Variants in INTS6 observed in about 807,000 individuals in gnomAD.
INTS6 encodes the protein integrator complex subunit 6, also known as DEAD box protein.
A neutral mutation model predicts 104.9 loss-of-function variants in INTS6; 16 were observed. That is an observed-to-expected ratio of 0.15 (90% confidence interval 0.10 to 0.23). The LOEUF (loss-of-function observed/expected upper bound fraction) is 0.23, where lower values mean the gene tolerates loss of function less well. INTS6 is among the 10% of genes least tolerant of loss of function. The pLI is 1.00. For synonymous variants in INTS6, 324 were observed against 358.7 expected (o/e 0.90, Z 1.09); for missense variants, 584 against 1,062.8 (o/e 0.55, Z 6.26).
the INTS6 span, chr13:51,344,620 C>T: frequency 1.4e-6 from 1 of 697,726 alleles, no homozygotes; most frequent in South Asian, 1.8e-5. Context: ...TTAGGAGATC[C>T]TACCCTTGAA....
At chr13:51,352,941 T>C (rs1296728781), downstream of INTS6, among the ~76,000 whole-genome samples, 3 of 152,204 alleles carry the variant, frequency 2.0e-5, no homozygotes, top group African/African-American at 4.8e-5. Context: ...TTTGCATTCC[T>C]GGGATAAATC....
At chr13:51,336,219 G>A in the INTS6 span, among the ~76,000 whole-genome samples, 1 of 152,204 alleles carries the variant, frequency 6.6e-6, no homozygotes, top group African/African-American at 2.4e-5. Flanking sequence ...TGGATGCGGT[G>A]GCTCACGCTT....
intron 9 of INTS6, 149 bp from the exon 10 acceptor site, chr13:51,382,272 T>C: frequency 2.1e-6 from 1 of 471,382 alleles, no homozygotes; most frequent in Non-Finnish European, 3.8e-6. Flanking sequence ...AGATTTACGG[T>C]TTTGTCATTT....
At chr13:51,356,162 T>C (rs75027836) in intron 3 of INTS6, among the ~76,000 whole-genome samples, 2 of 152,136 alleles carry the variant, frequency 1.3e-5, no homozygotes, top group African/African-American at 2.4e-5. Flanking sequence ...TCTGTACTCA[T>C]TGCCTGAACA....
Position 51,431,108 on chromosome 13 carries a change from C to T in INTS6, c.340-725G>A, listed in dbSNP as rs537824820. On this transcript the variant is annotated intron_variant, in intron 3 of 17. Coordinates refer to ENST00000311234, the MANE Select transcript of INTS6 (RefSeq NM_012141.3). ...TCCATTCAAATCTCTGGCCAACCCA[C>T]TCTACTAGCACAACGATGAGTTCTA... Among the ~76,000 whole-genome samples, 5 of 152,262 alleles carry T rather than the reference C, an allele frequency of 3.3e-5. No homozygotes were observed. The East Asian group carries it at 9.6e-4, about 29-fold the overall frequency.
chr13:51,340,470 A>C, the INTS6 span, among the ~76,000 whole-genome samples: 1 of 152,134 alleles, frequency 6.6e-6, no homozygotes, highest in Non-Finnish European at 1.5e-5. Context: ...GTATTCTCAA[A>C]ATTTTATATA....
chr13:51,386,067 A>C (rs146668194), intron 7 of INTS6, among the ~76,000 whole-genome samples: 10 of 152,316 alleles, frequency 6.6e-5, no homozygotes, highest in Non-Finnish European at 1.3e-4. Flanking sequence ...ACATGTTATG[A>C]TCCACCCGTA....
downstream of INTS6, among the ~76,000 whole-genome samples, chr13:51,350,020 C>T (rs1319553089): frequency 1.3e-5 from 2 of 152,136 alleles, no homozygotes; most frequent in African/African-American, 2.4e-5. Context: ...CTTTGGATCA[C>T]GGTAGACACA....
At chr13:51,383,218 T>C in intron 9 of INTS6, 111 bp downstream of exon 9, 1 of 873,424 alleles carries the variant, frequency 1.1e-6, no homozygotes, top group Non-Finnish European at 1.7e-6. Flanking sequence ...CATTTTAGAA[T>C]ATTCAAAATA....
chr13:51,387,264 T>C (rs17252200), intron 7 of INTS6, 122 bp downstream of exon 7: 10,359 of 772,444 alleles, frequency 0.013, 176 homozygotes, highest in East Asian at 0.066. Flanking sequence ...CAGGGTATCA[T>C]AGCACTTTGA....
In INTS6 at chr13:51,449,865, TTTACCTAACTAA is replaced by T. The variant is rs1952998333; in HGVS notation, c.339+1148_339+1159del. ...TATTAATGTGGTAAGAAAGTACATA[TTTACCTAACTAA>T]ACGTTGGAAGTTCAATTTGGTAAGC... On this transcript the variant is annotated intron_variant, in intron 3 of 17. Coordinates refer to ENST00000311234, the MANE Select transcript of INTS6 (RefSeq NM_012141.3). The T allele has an allele frequency of 1.2e-5, 12 of 985,262 alleles. No individual in the cohort carries two copies. The South Asian group carries it at 5.2e-4, about 42-fold the overall frequency. The allele number at this position is 985,262 out of a possible 1,614,324, so 61.0% of individuals were successfully genotyped here.
At chr13:51,414,940 A>C (rs1428055012) in intron 4 of INTS6, among the ~76,000 whole-genome samples, 1 of 151,906 alleles carries the variant, frequency 6.6e-6, no homozygotes, top group Non-Finnish European at 1.5e-5. Flanking sequence ...CAACAATCCC[A>C]ATCCCTACTT....
intron 4 of INTS6, among the ~76,000 whole-genome samples, chr13:51,396,948 T>C (rs1277014116): frequency 6.6e-6 from 1 of 152,206 alleles, no homozygotes; most frequent in Non-Finnish European, 1.5e-5. Context: ...TATTTAAGTA[T>C]ATGGTGCTTA....
At chr13:51,413,392 C>CT (rs1956725719) in intron 4 of INTS6, among the ~76,000 whole-genome samples, 1 of 152,032 alleles carries the variant, frequency 6.6e-6, no homozygotes, top group Non-Finnish European at 1.5e-5. Flanking sequence ...AATTAGGGGT[C>CT]TCTCCTTTTT....
At position 51,374,445 on chromosome 13, in the gene INTS6, G is replaced by T; in HGVS notation, c.1873-6C>A. 1 of 1,592,844 alleles carries T rather than the reference G, an allele frequency of 6.3e-7. No individual in the cohort carries two copies. The highest frequency in any genetic ancestry group is 8.6e-7 in the Non-Finnish European group (1 of 1,166,186). ...GCTTCATCTATCATCATACCCTTTAGCAAAAAAGAATACAACTTTCTTGAA... is the reference window on the plus strand; with the variant it reads ...GCTTCATCTATCATCATACCCTTTATCAAAAAAGAATACAACTTTCTTGAA... On this transcript the variant is annotated splice_region_variant and splice_polypyrimidine_tract_variant and intron_variant, in intron 14 of 17. Transcript: ENST00000311234.
rs530203252 is a variant in INTS6 at position 51,433,556 on chromosome 13, C to T, written c.340-3173G>A. Among the ~76,000 whole-genome samples the T allele has an allele frequency of 3.5e-3, 528 of 152,300 alleles. 2 individuals are homozygous for T. Among genetic ancestry groups the T allele is most frequent in the Non-Finnish European group, 4.6e-3 (312 of 68,018 alleles). Reference sequence around the variant, plus strand: ...CAGAGGCAAGAGATTAATCATACTTCTAATTAAAGAAAAATAATCTACCAT... The same window carrying T: ...CAGAGGCAAGAGATTAATCATACTTTTAATTAAAGAAAAATAATCTACCAT... On this transcript the variant is annotated intron_variant, in intron 3 of 17. Transcript: ENST00000311234.
chr13:51,344,579 C>T, the INTS6 span: 3 of 968,852 alleles, frequency 3.1e-6, no homozygotes, highest in East Asian at 7.9e-5. Flanking sequence ...GGTGCTCAGG[C>T]CACCTTCAAT....
chr13:51,415,842 T>C (rs760123455), intron 4 of INTS6, among the ~76,000 whole-genome samples: 6 of 152,074 alleles, frequency 3.9e-5, no homozygotes, highest in South Asian at 4.1e-4. Context: ...GGGAATGAAA[T>C]TGTCCAAGAG....
chr13:51,383,773 C>T (rs1956091771), intron 7 of INTS6, 32 bp from the exon 8 acceptor site: 1 of 1,534,242 alleles, frequency 6.5e-7, no homozygotes, highest in Non-Finnish European at 8.8e-7. Context: ...TTACTACTTA[C>T]ATGAAATTTC....
Sources: gnomAD v4.1 joint callset for allele counts (sites outside exome capture counted in the v4.1 genomes callset) on GRCh38, gnomAD v4.1.1 for gene constraint, MANE v1.5 for transcripts, NCBI Gene and HGNC (gene_info 2026-07-23, HGNC 2026-07-21) for gene names.